The following PDE5A variants were observed in gnomAD, a reference collection of about 807,000 sequenced individuals.
The protein encoded by PDE5A is cGMP-specific 3',5'-cyclic phosphodiesterase.
PDE5A carries 67 observed loss-of-function variants against 110.2 expected under a neutral mutation model. The ratio of observed to expected loss-of-function variants is 0.61; its 90% CI spans 0.50 to 0.75. PDE5A has a LOEUF of 0.75. PDE5A is among the 30% of genes least tolerant of loss of function. PDE5A has a pLI of 0.00. For missense variants in PDE5A, 862 were observed against 1,045.1 expected, an observed-to-expected ratio of 0.82 and a Z score of 2.42; for synonymous variants, 328 against 351.2, an observed-to-expected ratio of 0.93 and a Z score of 0.74.
chr4:119,502,633 T>G lies in PDE5A; in HGVS notation c.2354A>C (p.Glu785Ala). The change falls in exon 19 of 21, where the codon GAA becomes GCA. Residue 785 changes from glutamate (E) to alanine (A), a missense_variant. Coordinates refer to ENST00000354960, the MANE Select transcript of PDE5A (RefSeq NM_001083.4). ...CTCTCTGTCTCCTTGATCAAAAAAT[T>G]CAGTTGCTACAAGTTCTGCTATCTG... ...QQRIAELVATEFFDQGDRERK... is the reference protein window; with the variant it reads ...QQRIAELVATAFFDQGDRERK... 6.2e-7 allele frequency: 1 copy of G among 1,606,968 alleles called. No individual in the cohort carries two copies.
intron 19 of PDE5A, 79 bp from the exon 20 acceptor site, chr4:119,501,332 A>G: frequency 1.2e-6 from 1 of 866,328 alleles, no homozygotes; most frequent in Non-Finnish European, 1.9e-6. Flanking sequence ...ATTTTTTGAG[A>G]TGGAGTCTCA....
chr4:119,617,084 GA>G (rs926694108), intron 1 of PDE5A, among the ~76,000 whole-genome samples: 7 of 151,934 alleles, frequency 4.6e-5, no homozygotes, highest in Non-Finnish European at 8.8e-5. Context: ...AATATTCATT[GA>G]AAAAAATGAA....
intron 1 of PDE5A, chr4:119,628,012 A>C (rs201142878): frequency 1.0e-6 from 1 of 985,000 alleles, no homozygotes; most frequent in Non-Finnish European, 1.2e-6. Flanking sequence ...AGGTTCCGTC[A>C]TGTTGCCTTT....
At chr4:119,626,919 AAAAAC>A (rs3839163) in intron 1 of PDE5A, among the ~76,000 whole-genome samples, 105 of 151,298 alleles carry the variant, frequency 6.9e-4, no homozygotes, top group African/African-American at 1.8e-3. Context: ...TCCTTAGGAA[AAAAAC>A]AAAACAAAAC....
At chr4:119,556,298 C>T (rs1294018908) in intron 7 of PDE5A, among the ~76,000 whole-genome samples, 3 of 152,170 alleles carry the variant, frequency 2.0e-5, no homozygotes, top group Non-Finnish European at 4.4e-5. Context: ...TAGTAACCTT[C>T]CTAAGAGACA....
intron 19 of PDE5A, among the ~76,000 whole-genome samples, chr4:119,501,957 A>ATGAT (rs1725353710): frequency 1.3e-5 from 2 of 152,196 alleles, no homozygotes; most frequent in African/African-American, 4.8e-5. Context: ...ATAAACATCT[A>ATGAT]TGATAGATGA....
At position 119,524,350 on chromosome 4, in the gene PDE5A, G is replaced by A. The variant is rs375003796; in HGVS notation, c.1779+1199C>T. On this transcript the variant is annotated intron_variant, in intron 12 of 20. Transcript: ENST00000354960. ...TAAAATGGGGATAACAGTAATCCCA[G>A]TAACAGCCTTTCTAGAGAACTTGTT... Among the ~76,000 whole-genome samples the A allele has an allele frequency of 9.2e-5, 14 of 152,228 alleles. No individual in the cohort carries two copies. In the South Asian group the frequency reaches 2.9e-3, roughly 32 times the overall value.
intron 18 of PDE5A, among the ~76,000 whole-genome samples, chr4:119,504,060 A>G (rs2127826): frequency 0.47 from 71,789 of 151,816 alleles, 17,034 homozygotes; most frequent in South Asian, 0.53. Flanking sequence ...AACAGTGAAC[A>G]TTGTACCCAG....
intron 6 of PDE5A, among the ~76,000 whole-genome samples, chr4:119,562,275 A>C (rs2110504769): frequency 6.6e-6 from 1 of 152,342 alleles, no homozygotes; most frequent in South Asian, 2.1e-4. Flanking sequence ...CACATTACAA[A>C]ATCAATGGAC....
At chr4:119,511,303 C>T (rs988161275) in intron 14 of PDE5A, among the ~76,000 whole-genome samples, 169 bp from the exon 15 acceptor site, 4 of 151,972 alleles carry the variant, frequency 2.6e-5, no homozygotes, top group Non-Finnish European at 5.9e-5. Context: ...CTCTGGGAAA[C>T]AAATACAAAG....
chr4:119,522,342 T>A (rs532214815), intron 12 of PDE5A, among the ~76,000 whole-genome samples: 16 of 152,166 alleles, frequency 1.1e-4, no homozygotes, highest in Non-Finnish European at 2.1e-4. Flanking sequence ...CATATCTGAA[T>A]AGAGTCTGTC....
intron 1 of PDE5A, among the ~76,000 whole-genome samples, chr4:119,625,322 G>A (rs888188734): frequency 9.9e-5 from 15 of 152,230 alleles, no homozygotes; most frequent in South Asian, 6.2e-4. Context: ...AATAAGATGC[G>A]TAGCTCTCTA....
At chr4:119,539,749 A>C (rs1726859187) in intron 10 of PDE5A, among the ~76,000 whole-genome samples, 1 of 152,162 alleles carries the variant, frequency 6.6e-6, no homozygotes, top group South Asian at 2.1e-4. Context: ...TAGAGTTAAA[A>C]AATCAGGCTT....
At chr4:119,501,290 C>CATTT (rs754443305) in intron 19 of PDE5A, 37 bp from the exon 20 acceptor site, 248 of 1,186,496 alleles carry the variant, frequency 2.1e-4, no homozygotes, top group Non-Finnish European at 2.9e-4. Context: ...CACAGATGTG[C>CATTT]ATTTATTTAT....
chr4:119,554,368 T>C (rs1727467451), intron 7 of PDE5A, among the ~76,000 whole-genome samples: 2 of 152,200 alleles, frequency 1.3e-5, no homozygotes, highest in Non-Finnish European at 2.9e-5. Flanking sequence ...CCTCAAGAAA[T>C]TTTTATGAAC....
At chr4:119,604,865 T>G (rs989269143) in intron 2 of PDE5A, among the ~76,000 whole-genome samples, 1 of 152,170 alleles carries the variant, frequency 6.6e-6, no homozygotes, top group African/African-American at 2.4e-5. Flanking sequence ...CCATTAAAAG[T>G]AATGACAATT....
At chr4:119,622,937 T>C (rs1237638917) in intron 1 of PDE5A, among the ~76,000 whole-genome samples, 2 of 150,858 alleles carry the variant, frequency 1.3e-5, no homozygotes, top group Non-Finnish European at 2.9e-5. Flanking sequence ...ATGATTCTTA[T>C]AAACTTAACA....
intron 3 of PDE5A, among the ~76,000 whole-genome samples, chr4:119,573,325 C>G (rs1015654360): frequency 9.9e-5 from 15 of 152,236 alleles, no homozygotes; most frequent in African/African-American, 3.6e-4. Context: ...ATTAACCTCA[C>G]ATCCTTATCA....
chr4:119,596,354 C>A (rs1253321126), intron 3 of PDE5A, among the ~76,000 whole-genome samples, 169 bp downstream of exon 3: 1 of 151,516 alleles, frequency 6.6e-6, no homozygotes, highest in African/African-American at 2.4e-5. Context: ...AGAATTAGGC[C>A]CTGTAACTAA....
Sources: gnomAD v4.1 joint callset for allele counts (sites outside exome capture counted in the v4.1 genomes callset) on GRCh38, gnomAD v4.1.1 for gene constraint, MANE v1.5 for transcripts, NCBI Gene and HGNC (gene_info 2026-07-23, HGNC 2026-07-21) for gene names.